GALNT13: variants seen among roughly 807,000 people sequenced by gnomAD.
GALNT13 encodes the protein UDP-GalNAc:polypeptide N-acetylgalactosaminyltransferase 13.
In GALNT13, 28 loss-of-function variants were observed where a neutral mutation model predicts 64.2. That is an observed-to-expected ratio of 0.44 (90% CI 0.32 to 0.60). GALNT13 has a LOEUF of 0.60. Among genes scored for constraint, GALNT13 ranks in the 20% least tolerant of loss-of-function variants. The probability of loss-of-function intolerance (pLI) is 0.05; values close to 1 mark genes in which losing one functional copy is unlikely to be tolerated. For missense variants in GALNT13, 577 were observed against 669.8 expected, an observed-to-expected ratio of 0.86 and a Z score of 1.53; for synonymous variants, 214 against 224.6, an observed-to-expected ratio of 0.95 and a Z score of 0.42.
the GALNT13 span, among the ~76,000 whole-genome samples, chr2:153,649,887 A>G: frequency 6.6e-6 from 1 of 152,174 alleles, no homozygotes; most frequent in East Asian, 1.9e-4. Context: ...ACTTCCAACT[A>G]TGTGGTCAAT....
chr2:153,393,552 A>C, the GALNT13 span, among the ~76,000 whole-genome samples: 1 of 152,082 alleles, frequency 6.6e-6, no homozygotes, highest in South Asian at 2.1e-4. Flanking sequence ...AAGCTTAGAC[A>C]AAACAAATTT....
At chr2:153,381,682 T>C in the GALNT13 span, among the ~76,000 whole-genome samples, 1 of 152,046 alleles carries the variant, frequency 6.6e-6, no homozygotes, top group Non-Finnish European at 1.5e-5. Flanking sequence ...GTCCAAATCT[T>C]GGACAGAAAA....
chr2:153,342,357 T>A, the GALNT13 span, among the ~76,000 whole-genome samples: 1 of 152,298 alleles, frequency 6.6e-6, no homozygotes, highest in East Asian at 1.9e-4. Flanking sequence ...ATTATAATTA[T>A]GTTGAGCCTG....
At chr2:153,776,726 G>A in the GALNT13 span, among the ~76,000 whole-genome samples, 3 of 152,124 alleles carry the variant, frequency 2.0e-5, no homozygotes, top group Non-Finnish European at 4.4e-5. Flanking sequence ...AATCTTTGTA[G>A]CTTCTCTTCT....
the GALNT13 span, among the ~76,000 whole-genome samples, chr2:153,828,905 C>T: frequency 3.9e-5 from 6 of 152,164 alleles, no homozygotes; most frequent in Non-Finnish European, 8.8e-5. Context: ...CTGCCAGATA[C>T]CCTAAATCAT....
At chr2:154,297,606 C>A (rs910512893) in intron 8 of GALNT13, among the ~76,000 whole-genome samples, 3 of 152,146 alleles carry the variant, frequency 2.0e-5, no homozygotes, top group Non-Finnish European at 2.9e-5. Flanking sequence ...AACTTCCCAG[C>A]CTATAGAACT....
chr2:153,260,868 G>A, the GALNT13 span, among the ~76,000 whole-genome samples: 1 of 152,110 alleles, frequency 6.6e-6, no homozygotes, highest in African/African-American at 2.4e-5. Flanking sequence ...AATCTTGTAG[G>A]TGAGCTTCAT....
intron 3 of GALNT13, among the ~76,000 whole-genome samples, chr2:154,092,708 A>G (rs559776032): frequency 6.6e-6 from 1 of 152,202 alleles, no homozygotes; most frequent in Admixed American, 6.6e-5. Flanking sequence ...ACAGAGAAAC[A>G]TCATTTACTC....
At chr2:154,081,429 A>G (rs1032276425) in intron 3 of GALNT13, among the ~76,000 whole-genome samples, 11 of 151,552 alleles carry the variant, frequency 7.3e-5, no homozygotes, top group Non-Finnish European at 1.5e-4. Context: ...TTAACAAACA[A>G]TCACATCACT....
intron 2 of GALNT13, among the ~76,000 whole-genome samples, chr2:153,931,389 G>A (rs146041634): frequency 4.5e-4 from 68 of 151,790 alleles, no homozygotes; most frequent in Admixed American, 7.9e-4. Flanking sequence ...TTGCTGAATA[G>A]GAGTAGTGAG....
the GALNT13 span, among the ~76,000 whole-genome samples, chr2:153,101,361 G>T: frequency 1.5e-4 from 22 of 146,136 alleles, no homozygotes; most frequent in Non-Finnish European, 3.2e-4. Context: ...TTGGGTCAGA[G>T]ATTGCTTTTT....
the GALNT13 span, among the ~76,000 whole-genome samples, chr2:153,178,970 T>C: frequency 6.6e-6 from 1 of 152,022 alleles, no homozygotes; most frequent in Non-Finnish European, 1.5e-5. Flanking sequence ...CTTGATCTCC[T>C]GACCTCAGGT....
chr2:153,370,633 C>T, the GALNT13 span: 1 of 152,104 alleles, frequency 6.6e-6, no homozygotes, highest in African/African-American at 2.4e-5. Flanking sequence ...GGCAAAGAAG[C>T]CCCTGCTCTT....
chr2:153,259,436 A>G, the GALNT13 span, among the ~76,000 whole-genome samples: 10 of 151,990 alleles, frequency 6.6e-5, no homozygotes, highest in African/African-American at 1.9e-4. Flanking sequence ...CAATGTTATT[A>G]TAAATAAGTA....
intron 3 of GALNT13, among the ~76,000 whole-genome samples, chr2:153,945,751 G>C (rs1397660626): frequency 6.6e-6 from 1 of 152,062 alleles, no homozygotes; most frequent in Non-Finnish European, 1.5e-5. Context: ...TAGACATGTT[G>C]AGTTTGCTTT....
At chr2:154,441,025 G>A (rs1182592075) in intron 12 of GALNT13, among the ~76,000 whole-genome samples, 2 of 152,032 alleles carry the variant, frequency 1.3e-5, no homozygotes, top group African/African-American at 4.8e-5. Context: ...CATCACCTGG[G>A]AACTTGTTAG....
chr2:154,364,905 A>C (rs2105295083), intron 9 of GALNT13, among the ~76,000 whole-genome samples: 1 of 152,216 alleles, frequency 6.6e-6, no homozygotes, highest in South Asian at 2.1e-4. Flanking sequence ...TCCTGACCTC[A>C]AGTGATTCGC....
chr2:153,345,648 T>TTTCC, the GALNT13 span, among the ~76,000 whole-genome samples: 1 of 119,808 alleles, frequency 8.3e-6, no homozygotes, highest in Non-Finnish European at 1.7e-5. Flanking sequence ...TCTTTCTTTC[T>TTTCC]TTCTTTCTTT....
chr2:153,292,236 C>G, the GALNT13 span, among the ~76,000 whole-genome samples: 1 of 152,088 alleles, frequency 6.6e-6, no homozygotes, highest in East Asian at 1.9e-4. Context: ...GAGCAGGTGG[C>G]AAAGGGGTCA....
Sources: allele counts gnomAD v4.1 joint callset (sites outside exome capture counted in the v4.1 genomes callset), GRCh38; gene constraint gnomAD v4.1.1; transcripts MANE v1.5; gene names NCBI Gene and HGNC (gene_info 2026-07-23, HGNC 2026-07-21).